Variants in METAP1D observed in about 807,000 individuals in gnomAD.
METAP1D encodes methionine aminopeptidase 1D, mitochondrial.
Under a neutral mutation model 40.5 loss-of-function variants are expected in METAP1D, and 31 were observed. The observed-to-expected ratio is 0.77, with a 90% confidence interval of 0.58 to 1.03. METAP1D has a LOEUF of 1.03. METAP1D is among the 50% of genes least tolerant of loss of function. METAP1D has a pLI of 0.00. For synonymous variants in METAP1D, 151 were observed against 146.4 expected (o/e 1.03, Z -0.22); for missense variants, 411 against 420.7 (o/e 0.98, Z 0.20).
intron 1 of METAP1D, among the ~76,000 whole-genome samples, chr2:172,056,339 A>C (rs1690001636): frequency 6.6e-6 from 1 of 152,240 alleles, no homozygotes; most frequent in African/African-American, 2.4e-5. Context: ...GCTCTTGGTC[A>C]GTCAGCATCC....
intron 1 of METAP1D, among the ~76,000 whole-genome samples, chr2:172,020,045 T>G (rs1038921181): frequency 2.6e-5 from 4 of 152,168 alleles, no homozygotes; most frequent in African/African-American, 9.7e-5. Context: ...CAGGCTGGAG[T>G]GCAGTGGCGC....
intron 1 of METAP1D, among the ~76,000 whole-genome samples, chr2:172,030,232 G>A (rs1202426961): frequency 6.6e-6 from 1 of 151,780 alleles, no homozygotes; most frequent in Non-Finnish European, 1.5e-5. Flanking sequence ...TGGGATTACA[G>A]GCATGTGCCA....
At position 172,045,813 on chromosome 2, in the gene METAP1D, GTGTGTGTATATA is replaced by G. The variant is rs1361770089; in HGVS notation, c.41-15683_41-15672del. Among the ~76,000 whole-genome samples the G allele has an allele frequency of 1.1e-3, 44 of 39,360 alleles. 1 individual carries two copies. The highest frequency in any genetic ancestry group is 2.3e-3 in the African/African-American group (26 of 11,198). The allele number at this position is 39,360 out of a possible 152,430, so 25.8% of individuals were successfully genotyped here. A position where few individuals can be genotyped will look rare whatever the true frequency, so the allele number is the denominator to read the frequency against. On this transcript the variant is annotated intron_variant, in intron 1 of 9. Coordinates refer to ENST00000315796, the MANE Select transcript of METAP1D (RefSeq NM_199227.3). ...TATGTATATATGTGTGTGTGTGTGT[GTGTGTGTATATA>G]TATATATATATATATATATATATAT...
chr2:172,007,548 G>A (rs1688615854), intron 1 of METAP1D, among the ~76,000 whole-genome samples: 1 of 152,130 alleles, frequency 6.6e-6, no homozygotes, highest in Admixed American at 6.5e-5. Flanking sequence ...GTGGGCTCAT[G>A]TGTTGTATTG....
intron 1 of METAP1D, among the ~76,000 whole-genome samples, chr2:172,046,700 G>A (rs1457573193): frequency 1.3e-5 from 2 of 152,214 alleles, no homozygotes; most frequent in Non-Finnish European, 2.9e-5. Context: ...CAGTTAATCA[G>A]TGGTTGTGAA....
At chr2:172,030,102 T>TTTATTTATTTATTTATTTATTTA (rs1559000803) in intron 1 of METAP1D, among the ~76,000 whole-genome samples, 3 of 149,608 alleles carry the variant, frequency 2.0e-5, no homozygotes, top group Non-Finnish European at 4.4e-5. Context: ...TTATTTATTT[T>TTTATTTATTTATTTATTTATTTA]TTTTGAGGCA....
chr2:172,004,920 T>G (rs1312368025), intron 1 of METAP1D, among the ~76,000 whole-genome samples: 1 of 152,036 alleles, frequency 6.6e-6, no homozygotes, highest in Admixed American at 6.6e-5. Flanking sequence ...GCTTGCTTCC[T>G]TTCTTCCTTC....
chr2:172,068,830 A>ATTCCTTCCTTCC (rs557758754), intron 5 of METAP1D, among the ~76,000 whole-genome samples: 4 of 150,824 alleles, frequency 2.7e-5, no homozygotes, highest in African/African-American at 9.7e-5. Context: ...TCATTTTGAT[A>ATTCCTTCCTTCC]TTCCTTCCTT....
chr2:172,037,874 A>G (rs565884058), intron 1 of METAP1D, among the ~76,000 whole-genome samples: 1 of 152,208 alleles, frequency 6.6e-6, no homozygotes, highest in South Asian at 2.1e-4. Context: ...TTGAACTTCA[A>G]GACAGAGACT....
chr2:172,020,472 G>C (rs895396145), intron 1 of METAP1D, among the ~76,000 whole-genome samples: 1 of 152,192 alleles, frequency 6.6e-6, no homozygotes, highest in Non-Finnish European at 1.5e-5. Context: ...CTGAAATGTA[G>C]AGTAAGGTAG....
chr2:172,065,431 A>G (rs916298675), intron 3 of METAP1D, among the ~76,000 whole-genome samples, 173 bp from the exon 4 acceptor site: 6 of 152,236 alleles, frequency 3.9e-5, no homozygotes, highest in Non-Finnish European at 1.5e-5. Context: ...ATTGTCCACA[A>G]GGCACAGTTG....
At chr2:172,004,955 C>G (rs747474910) in intron 1 of METAP1D, among the ~76,000 whole-genome samples, 2 of 150,430 alleles carry the variant, frequency 1.3e-5, no homozygotes, top group African/African-American at 2.4e-5. Flanking sequence ...TTTTCAGGGT[C>G]TCTGTCACGA....
intron 5 of METAP1D, among the ~76,000 whole-genome samples, chr2:172,069,379 C>T (rs1031966010): frequency 2.0e-5 from 3 of 152,142 alleles, no homozygotes; most frequent in East Asian, 3.9e-4. Flanking sequence ...TGAATGAAAT[C>T]GTATTTTGTA....
chr2:172,023,857 C>CTTTTTT (rs11355201), intron 1 of METAP1D, among the ~76,000 whole-genome samples: 1 of 139,160 alleles, frequency 7.2e-6, no homozygotes, highest in Non-Finnish European at 1.5e-5. Context: ...CTGTAAAATT[C>CTTTTTT]TTTTTTTTTT....
chr2:172,072,092 G>A (rs188561254), intron 6 of METAP1D, among the ~76,000 whole-genome samples: 1 of 152,210 alleles, frequency 6.6e-6, no homozygotes, highest in East Asian at 1.9e-4. Context: ...TTAAATTATA[G>A]GCTAACTAGC....
At chr2:172,033,159 G>C (rs970693001) in intron 1 of METAP1D, among the ~76,000 whole-genome samples, 2 of 151,534 alleles carry the variant, frequency 1.3e-5, no homozygotes, top group Non-Finnish European at 2.9e-5. Flanking sequence ...AAAGGACAGA[G>C]AAACATATTA....
intron 7 of METAP1D, 120 bp from the exon 8 acceptor site, chr2:172,079,095 C>A: frequency 1.0e-6 from 1 of 980,926 alleles, no homozygotes; most frequent in Non-Finnish European, 1.5e-6. Flanking sequence ...ACCCTTCCTT[C>A]TCTAAAAGAA....
At chr2:172,024,766 G>GTGTGTA (rs1689089228) in intron 1 of METAP1D, among the ~76,000 whole-genome samples, 1 of 150,486 alleles carries the variant, frequency 6.6e-6, no homozygotes, top group African/African-American at 2.5e-5. Context: ...GTGTGTGTGT[G>GTGTGTA]TGTGTGTGTG....
intron 1 of METAP1D, among the ~76,000 whole-genome samples, chr2:172,031,251 T>G (rs1689235442): frequency 6.6e-6 from 1 of 152,192 alleles, no homozygotes; most frequent in Non-Finnish European, 1.5e-5. Context: ...GAGTTATCAC[T>G]CTGGGTTTTG....
Sources: gnomAD v4.1 joint callset for allele counts (sites outside exome capture counted in the v4.1 genomes callset) on GRCh38, gnomAD v4.1.1 for gene constraint, MANE v1.5 for transcripts, NCBI Gene and HGNC (gene_info 2026-07-23, HGNC 2026-07-21) for gene names.